The following CYRIA variants were observed in gnomAD, a reference collection of about 807,000 sequenced individuals.
CYRIA encodes the protein CYFIP-related Rac1 interactor A.
CYRIA carries 15 observed loss-of-function variants against 43.9 expected under a neutral mutation model. That is an observed-to-expected ratio of 0.34 (90% CI 0.23 to 0.53). CYRIA has a LOEUF of 0.53. CYRIA is among the 20% of genes least tolerant of loss of function. CYRIA has a pLI of 0.94. For missense variants in CYRIA, 236 were observed against 394.2 expected (o/e 0.60, Z 3.40); for synonymous variants, 117 against 136.0 (o/e 0.86, Z 0.97).
At chr2:16,575,574 G>A (rs1334185120) in intron 3 of CYRIA, among the ~76,000 whole-genome samples, 49 of 152,068 alleles carry the variant, frequency 3.2e-4, no homozygotes, top group Admixed American at 2.6e-3. Context: ...AGCAGTTCCC[G>A]GCCGGGCGCG....
chr2:16,555,011 T>C, intron 11 of CYRIA, 58 bp downstream of exon 11: 2 of 1,396,206 alleles, frequency 1.4e-6, no homozygotes, highest in Non-Finnish European at 2.0e-6. Context: ...TATTTAAATT[T>C]GCAATGGCCC....
chr2:16,561,964 A>T (rs1666751296), intron 6 of CYRIA, 41 bp downstream of exon 6: 19 of 1,585,018 alleles, frequency 1.2e-5, no homozygotes, highest in Non-Finnish European at 1.5e-5. Flanking sequence ...GTAGGTACTC[A>T]GTACAAGTTT....
intron 1 of CYRIA, among the ~76,000 whole-genome samples, chr2:16,639,992 A>T (rs1669624285): frequency 6.6e-6 from 1 of 152,116 alleles, no homozygotes; most frequent in South Asian, 2.1e-4. Flanking sequence ...TTTTAAATTG[A>T]AGAGGCAGCA....
At chr2:16,557,836 A>T (rs1666580116) in intron 10 of CYRIA, among the ~76,000 whole-genome samples, 1 of 152,192 alleles carries the variant, frequency 6.6e-6, no homozygotes. Context: ...ACAAGTTAAC[A>T]AATGGCTATG....
chr2:16,611,783 G>A (rs1256022385), intron 2 of CYRIA, among the ~76,000 whole-genome samples: 1 of 151,134 alleles, frequency 6.6e-6, no homozygotes, highest in African/African-American at 2.4e-5. Flanking sequence ...AGGTGGGGGG[G>A]TGGTGGTGGA....
chr2:16,550,722 G>A lies in CYRIA; in HGVS notation c.*2214C>T, dbSNP rs1666276979. 1 of 152,148 alleles carries A rather than the reference G, an allele frequency of 6.6e-6. No homozygotes were observed. The allele number at this position is 152,148 out of a possible 1,614,324, so 9.4% of individuals were successfully genotyped here. ...CCAGCTGAGAGTCAGCTGTGGTAGA[G>A]ACACACGACATGGGTTCAAGCCCCT... On this transcript the variant is annotated 3_prime_UTR_variant, in exon 12 of 12. Coordinates refer to ENST00000381323, the MANE Select transcript of CYRIA (RefSeq NM_030797.4).
chr2:16,661,940 T>C, intron 1 of CYRIA, among the ~76,000 whole-genome samples: 1 of 152,164 alleles, frequency 6.6e-6, no homozygotes, highest in East Asian at 1.9e-4. Flanking sequence ...TTAATGTTTA[T>C]AGTAACTTAA....
chr2:16,612,061 G>T (rs1668624813), intron 2 of CYRIA, among the ~76,000 whole-genome samples: 1 of 152,026 alleles, frequency 6.6e-6, no homozygotes. Flanking sequence ...CACATTCCTG[G>T]TCACTCCTGC....
chr2:16,626,617 T>C (rs187135570), intron 1 of CYRIA, among the ~76,000 whole-genome samples: 2 of 152,324 alleles, frequency 1.3e-5, no homozygotes, highest in East Asian at 1.9e-4. Flanking sequence ...CCAAGCCTTC[T>C]GAAGCAATTG....
At chr2:16,640,506 G>A (rs1669643755) in intron 1 of CYRIA, among the ~76,000 whole-genome samples, 1 of 152,210 alleles carries the variant, frequency 6.6e-6, no homozygotes, top group African/African-American at 2.4e-5. Flanking sequence ...GTTTTCTAGG[G>A]AAAATGGGCA....
intron 2 of CYRIA, among the ~76,000 whole-genome samples, chr2:16,591,284 A>C (rs1464977174): frequency 1.3e-5 from 2 of 152,194 alleles, no homozygotes; most frequent in African/African-American, 4.8e-5. Flanking sequence ...GGCAAGAAAT[A>C]GATGAATTAT....
intron 1 of CYRIA, among the ~76,000 whole-genome samples, chr2:16,654,913 C>A (rs1380495309): frequency 6.6e-6 from 1 of 152,172 alleles, no homozygotes; most frequent in Non-Finnish European, 1.5e-5. Context: ...TCATATACCA[C>A]AAATAGTGAT....
chr2:16,635,595 G>A (rs1048238681), intron 1 of CYRIA, among the ~76,000 whole-genome samples: 1 of 152,130 alleles, frequency 6.6e-6, no homozygotes, highest in African/African-American at 2.4e-5. Flanking sequence ...GTGACACCAG[G>A]CAGAAGAATC....
At chr2:16,665,241 A>G (rs1019663644) in intron 1 of CYRIA, among the ~76,000 whole-genome samples, 1 of 151,886 alleles carries the variant, frequency 6.6e-6, no homozygotes, top group African/African-American at 2.4e-5. Context: ...GGGGGAGGAG[A>G]GAGGGTGACG....
chr2:16,635,460 A>G (rs1004141684), intron 1 of CYRIA, among the ~76,000 whole-genome samples: 2 of 152,202 alleles, frequency 1.3e-5, no homozygotes, highest in African/African-American at 2.4e-5. Flanking sequence ...TTGCCCTAAC[A>G]TGGTACCGGG....
At chr2:16,645,288 G>A (rs1669787118) in intron 1 of CYRIA, among the ~76,000 whole-genome samples, 1 of 152,074 alleles carries the variant, frequency 6.6e-6, no homozygotes, top group South Asian at 2.1e-4. Flanking sequence ...AGCAGGCAAC[G>A]ATCCTGGGCT....
intron 2 of CYRIA, 28 bp downstream of exon 2, chr2:16,623,836 G>A (rs1325958392): frequency 3.3e-5 from 5 of 152,176 alleles, no homozygotes; most frequent in East Asian, 1.9e-4. Flanking sequence ...TGTGCTACAC[G>A]TTATAACGAA....
intron 11 of CYRIA, 111 bp from the exon 12 acceptor site, chr2:16,553,110 A>G (rs1572448612): frequency 1.4e-6 from 1 of 735,920 alleles, no homozygotes; most frequent in East Asian, 2.5e-5. Context: ...TTCTTTAGAC[A>G]AAAATCCACA....
At chr2:16,642,066 G>T (rs1165898304) in intron 1 of CYRIA, among the ~76,000 whole-genome samples, 1 of 152,002 alleles carries the variant, frequency 6.6e-6, no homozygotes, top group East Asian at 1.9e-4. Flanking sequence ...CCAGGACTTG[G>T]CCCTTCAGCC....
Sources: gnomAD v4.1 joint callset for allele counts (sites outside exome capture counted in the v4.1 genomes callset) on GRCh38, gnomAD v4.1.1 for gene constraint, MANE v1.5 for transcripts, NCBI Gene and HGNC (gene_info 2026-07-23, HGNC 2026-07-21) for gene names.